PTN: variants seen among roughly 807,000 people sequenced by gnomAD.
PTN encodes the protein pleiotrophin, also known as heparin affin regulatory protein.
PTN carries 18 observed loss-of-function variants against 24.1 expected under a neutral mutation model. The observed-to-expected ratio is 0.75, with a 90% CI of 0.52 to 1.11. The LOEUF (loss-of-function observed/expected upper bound fraction) is 1.11. Ranked by LOEUF, PTN falls within the 50% of genes least tolerant of loss-of-function variation. The pLI is 0.00. For missense variants in PTN, 163 were observed against 198.8 expected, an observed-to-expected ratio of 0.82 and a Z score of 1.08; for synonymous variants, 78 against 68.6, an observed-to-expected ratio of 1.14 and a Z score of -0.67.
At chr7:137,314,414 T>C (rs1018112120) in intron 1 of PTN, among the ~76,000 whole-genome samples, 22 of 152,180 alleles carry the variant, frequency 1.4e-4, no homozygotes, top group African/African-American at 5.3e-4. Context: ...TATATAAAAA[T>C]ATGTGTAGCA....
chr7:137,257,285 CA>C (rs1227599498), intron 1 of PTN, among the ~76,000 whole-genome samples: 7 of 152,148 alleles, frequency 4.6e-5, no homozygotes, highest in African/African-American at 1.7e-4. Flanking sequence ...CAGATTGGTG[CA>C]AAAGTGATCA....
chr7:137,287,133 A>G (rs1283289756), intron 1 of PTN, among the ~76,000 whole-genome samples: 3 of 152,206 alleles, frequency 2.0e-5, no homozygotes, highest in South Asian at 4.1e-4. Flanking sequence ...TCTCTGTGCT[A>G]TGTTTACAAA....
At chr7:137,264,690 G>A (rs192203376) in intron 1 of PTN, among the ~76,000 whole-genome samples, 184 of 152,312 alleles carry the variant, frequency 1.2e-3, no homozygotes, top group African/African-American at 4.3e-3. Context: ...TGCAAACTTC[G>A]ACGGTTATGC....
At chr7:137,310,538 C>T (rs573991211) in intron 1 of PTN, among the ~76,000 whole-genome samples, 8 of 151,822 alleles carry the variant, frequency 5.3e-5, no homozygotes, top group Non-Finnish European at 1.0e-4. Flanking sequence ...GCTGGGATTA[C>T]AGGCATGCGC....
In PTN at chr7:137,253,554, G is replaced by A. The variant is rs149012204; in HGVS notation, c.199C>T (p.Arg67Trp). The change falls in exon 3 of 5, where the codon CGG (arginine) becomes TGG (tryptophan). Residue 67 changes from arginine (R) to tryptophan (W), a missense_variant. Coordinates refer to ENST00000348225, the MANE Select transcript of PTN (RefSeq NM_002825.7). ...TCAGCTCCAGTCCGAGTGCCCTCCCGTGTGCCCAGCCCACAGTCTCCACTG... is the reference window on the plus strand; with the variant it reads ...TCAGCTCCAGTCCGAGTGCCCTCCCATGTGCCCAGCCCACAGTCTCCACTG... ...PTSGDCGLGTREGTRTGAECK... is the reference protein window; with the variant it reads ...PTSGDCGLGTWEGTRTGAECK... The A allele has an allele frequency of 1.4e-5, 22 of 1,611,862 alleles. No homozygotes were observed. Among genetic ancestry groups the A allele is most frequent in the South Asian group, 1.0e-4 (9 of 90,430 alleles).
At chr7:137,335,965 T>G (rs1159372343) in intron 1 of PTN, among the ~76,000 whole-genome samples, 1 of 151,882 alleles carries the variant, frequency 6.6e-6, no homozygotes, top group Non-Finnish European at 1.5e-5. Flanking sequence ...CATTTCTTTT[T>G]CTTCATTCCT....
At chr7:137,245,765 C>T (rs80256570) in intron 4 of PTN, among the ~76,000 whole-genome samples, 1 of 152,048 alleles carries the variant, frequency 6.6e-6, no homozygotes, top group African/African-American at 2.4e-5. Context: ...TGTTGATGAA[C>T]CTGACCCTGT....
At chr7:137,248,051 A>T (rs1041621825) in intron 4 of PTN, among the ~76,000 whole-genome samples, 5 of 152,190 alleles carry the variant, frequency 3.3e-5, no homozygotes, top group Admixed American at 6.5e-5. Context: ...GGACTTTATA[A>T]GTTACCATAT....
rs142315775 is a variant in PTN at position 137,292,131 on chromosome 7, T to C, written c.-1-37157A>G. Among the ~76,000 whole-genome samples, 1,130 of 152,278 alleles carry C rather than the reference T, an allele frequency of 7.4e-3. 16 individuals are homozygous for C. Among genetic ancestry groups the C allele is most frequent in the African/African-American group, 0.025 (1,033 of 41,568 alleles). ...TGTTCATTGCCACTGATGTAAAATA[T>C]GGTCATACCTTGTCATTGGTGGGGG... is the stretch of plus-strand genomic sequence containing the variant. On this transcript the variant is annotated intron_variant, in intron 1 of 4. Coordinates refer to ENST00000348225, the MANE Select transcript of PTN (RefSeq NM_002825.7).
In PTN at chr7:137,288,248, T is replaced by C. The variant is rs190877630; in HGVS notation, c.-1-33274A>G. ...CAAATAATTTGCTCAGATGAGTTAA[T>C]TATTTGGACATATTGGCGTTCAGAA... On this transcript the variant is annotated intron_variant, in intron 1 of 4. Transcript: ENST00000348225. Among the ~76,000 whole-genome samples, 274 of 152,300 alleles carry C rather than the reference T, an allele frequency of 1.8e-3. 1 individual carries two copies. The highest frequency in any genetic ancestry group is 6.3e-3 in the African/African-American group (263 of 41,558).
chr7:137,281,224 G>C (rs996035726), intron 1 of PTN, among the ~76,000 whole-genome samples: 1 of 151,636 alleles, frequency 6.6e-6, no homozygotes, highest in African/African-American at 2.4e-5. Flanking sequence ...AAGGGACCAA[G>C]TGCCAACTAT....
At chr7:137,274,234 C>A (rs1024211883) in intron 1 of PTN, among the ~76,000 whole-genome samples, 4 of 152,118 alleles carry the variant, frequency 2.6e-5, no homozygotes, top group Non-Finnish European at 4.4e-5. Context: ...TAGAGCAGCT[C>A]CTCCTTCACT....
At chr7:137,302,277 A>G (rs1293764941) in intron 1 of PTN, among the ~76,000 whole-genome samples, 1 of 152,052 alleles carries the variant, frequency 6.6e-6, no homozygotes, top group East Asian at 1.9e-4. Flanking sequence ...TGACACAGCT[A>G]GTAAGAAACA....
intron 1 of PTN, among the ~76,000 whole-genome samples, chr7:137,296,846 AC>A (rs1296030089): frequency 6.6e-6 from 1 of 151,862 alleles, no homozygotes; most frequent in East Asian, 1.9e-4. Context: ...TCTCCACCAA[AC>A]CCCCCAAATC....
chr7:137,291,843 T>G (rs1325387490), intron 1 of PTN, among the ~76,000 whole-genome samples: 2 of 152,176 alleles, frequency 1.3e-5, no homozygotes, highest in Non-Finnish European at 2.9e-5. Context: ...AAACATAAAT[T>G]TCTAGCCAGA....
At chr7:137,268,994 T>C (rs1017546847) in intron 1 of PTN, among the ~76,000 whole-genome samples, 2 of 152,186 alleles carry the variant, frequency 1.3e-5, no homozygotes, top group Non-Finnish European at 2.9e-5. Flanking sequence ...TGTTGTTCTG[T>C]TTCTTGAGCA....
intron 1 of PTN, among the ~76,000 whole-genome samples, chr7:137,329,303 C>A (rs774609596): frequency 6.6e-6 from 1 of 152,288 alleles, no homozygotes; most frequent in Middle Eastern, 3.4e-3. Flanking sequence ...GAACAGAAAG[C>A]AAGGCCTTCA....
intron 1 of PTN, 40 bp downstream of exon 1, chr7:137,343,399 C>T (rs373682724): frequency 2.1e-6 from 1 of 482,474 alleles, no homozygotes. Flanking sequence ...CAAACTCGAT[C>T]GAAGAGCCCT....
chr7:137,246,612 G>A (rs1808727378), intron 4 of PTN, among the ~76,000 whole-genome samples: 1 of 152,084 alleles, frequency 6.6e-6, no homozygotes, highest in Non-Finnish European at 1.5e-5. Flanking sequence ...ACCTGGAACT[G>A]ACTCCACTAC....
Sources: gnomAD v4.1 joint callset for allele counts (sites outside exome capture counted in the v4.1 genomes callset) on GRCh38, gnomAD v4.1.1 for gene constraint, MANE v1.5 for transcripts, NCBI Gene and HGNC (gene_info 2026-07-23, HGNC 2026-07-21) for gene names.